ORC4: variants seen among roughly 807,000 people sequenced by gnomAD.
ORC4 encodes origin recognition complex subunit 4.
In ORC4, 55 loss-of-function variants were observed where a neutral mutation model predicts 63.9. The ratio of observed to expected loss-of-function variants is 0.86; its 90% confidence interval spans 0.69 to 1.08. The LOEUF (loss-of-function observed/expected upper bound fraction) is 1.08, where lower values mean the gene tolerates loss of function less well. Ranked by LOEUF, ORC4 falls within the 50% of genes least tolerant of loss-of-function variation. The probability of loss-of-function intolerance (pLI) is 0.00; values close to 1 mark genes in which losing one functional copy is unlikely to be tolerated. For synonymous variants in ORC4, 150 were observed against 168.5 expected (o/e 0.89, Z 0.85); for missense variants, 511 against 504.4 (o/e 1.01, Z -0.13).
At chr2:147,990,284 T>C (rs574734525) in intron 1 of ORC4, among the ~76,000 whole-genome samples, 88 of 152,300 alleles carry the variant, frequency 5.8e-4, no homozygotes, top group African/African-American at 1.9e-3. Flanking sequence ...TAGGAGAAAT[T>C]TGAAGGTGGT....
chr2:147,937,896 T>A (rs1318438153), intron 13 of ORC4: 1 of 544,592 alleles, frequency 1.8e-6, no homozygotes, highest in Non-Finnish European at 3.3e-6. Flanking sequence ...CACACTATAC[T>A]GAATAGTTGT....
rs1558835665 is a variant in ORC4 at position 147,949,221 on chromosome 2, A to G, written c.589-997T>C. On this transcript the variant is annotated intron_variant, in intron 8 of 13. Coordinates refer to ENST00000392857, the MANE Select transcript of ORC4 (RefSeq NM_181741.4). Reference sequence around the variant, plus strand: ...AACCCAAATGTCCATCAACTGATGAATGGATAAACAAAGTGTGGTATATCT... The same window carrying G: ...AACCCAAATGTCCATCAACTGATGAGTGGATAAACAAAGTGTGGTATATCT... Among the ~76,000 whole-genome samples, 5 of 152,006 alleles carry G rather than the reference A, an allele frequency of 3.3e-5. No individual in the cohort carries two copies. The South Asian group carries it at 8.3e-4, about 25-fold the overall frequency.
intron 1 of ORC4, among the ~76,000 whole-genome samples, chr2:147,991,548 G>T (rs1020403593): frequency 1.3e-5 from 2 of 152,032 alleles, no homozygotes; most frequent in African/African-American, 4.8e-5. Context: ...ACTACAGTTG[G>T]CCGGGCATGG....
intron 9 of ORC4, among the ~76,000 whole-genome samples, chr2:147,946,474 G>A (rs1688664123): frequency 6.6e-6 from 1 of 151,984 alleles, no homozygotes; most frequent in South Asian, 2.1e-4. Context: ...CCAGAGGTCT[G>A]GTTCACACCA....
intron 4 of ORC4, among the ~76,000 whole-genome samples, chr2:147,969,975 C>CA (rs933070026): frequency 2.6e-5 from 4 of 151,536 alleles, no homozygotes; most frequent in Admixed American, 6.6e-5. Flanking sequence ...AAAGAACTGA[C>CA]AAAAAAACTA....
At chr2:147,970,149 C>T (rs1053618794) in intron 4 of ORC4, among the ~76,000 whole-genome samples, 5 of 151,972 alleles carry the variant, frequency 3.3e-5, no homozygotes, top group Admixed American at 6.6e-5. Flanking sequence ...ATAAATCTAA[C>T]GAAACATGTG....
At chr2:147,939,620 C>T (rs1688252173) in intron 10 of ORC4, among the ~76,000 whole-genome samples, 1 of 152,126 alleles carries the variant, frequency 6.6e-6, no homozygotes, top group Non-Finnish European at 1.5e-5. Flanking sequence ...CTACGCCTTA[C>T]TTGTTAACTT....
At position 147,953,857 on chromosome 2, in the gene ORC4, A is replaced by G. The variant is rs576271837; in HGVS notation, c.437-1333T>C. Among the ~76,000 whole-genome samples the G allele has an allele frequency of 2.0e-4, 30 of 152,282 alleles. No homozygotes were observed. In the East Asian group the frequency reaches 4.2e-3, roughly 22 times the overall value. On this transcript the variant is annotated intron_variant, in intron 7 of 13. Transcript: ENST00000392857. ...TATTTCAACAAATAACAAATACAGT[A>G]GCCTAAATGACTTAATACTGGTACA...
At position 147,943,521 on chromosome 2, in the gene ORC4, T is replaced by G. The variant is rs754717858; in HGVS notation, c.764A>C (p.Tyr255Ser). 1.4e-6 allele frequency: 2 copies of G among 1,471,628 alleles called. No homozygotes were observed. Among genetic ancestry groups the G allele is most frequent in the Non-Finnish European group, 1.8e-6 (2 of 1,081,488 alleles). 91.2% of individuals were successfully genotyped at this position (1,471,628 alleles called of 1,614,324 possible). A position where few individuals can be genotyped will look rare whatever the true frequency, so the allele number is the denominator to read the frequency against. The change falls in exon 10 of 14, where the codon TAT becomes TCT. Residue 255 changes from tyrosine to serine, a missense_variant and splice_region_variant. By Grantham distance (144) the Tyr-to-Ser change is moderately radical (BLOSUM62 -2). Transcript: ENST00000392857. The part of the protein sequence containing the change: ...FAEKWNENVQ[Y>S]LSEDRSVQEV... ...TTGCACACTTCTATCTTCTGAGAGA[T>G]ACTAAAAGGAAAAAAAAAAAAAAAG...
At chr2:147,938,017 TTTC>T (rs956265541) in intron 13 of ORC4, 126 bp downstream of exon 13, 4 of 718,760 alleles carry the variant, frequency 5.6e-6, no homozygotes, top group African/African-American at 3.6e-5. Flanking sequence ...TTTAGATAAT[TTTC>T]TTGTTTTGAA....
chr2:148,008,191 G>A (rs1398937380), intron 1 of ORC4, among the ~76,000 whole-genome samples: 1 of 152,174 alleles, frequency 6.6e-6, no homozygotes, highest in Non-Finnish European at 1.5e-5. Flanking sequence ...ACATTAACAA[G>A]CAACAAGAAA....
At chr2:147,967,441 G>A (rs1429850662) in intron 4 of ORC4, among the ~76,000 whole-genome samples, 1 of 151,712 alleles carries the variant, frequency 6.6e-6, no homozygotes. Context: ...TTTCAGTAAA[G>A]TTGAAGGCTA....
intron 4 of ORC4, among the ~76,000 whole-genome samples, chr2:147,971,867 A>G (rs1172232226): frequency 1.3e-5 from 2 of 152,080 alleles, no homozygotes; most frequent in Non-Finnish European, 2.9e-5. Context: ...TAAATTCTCA[A>G]TTTATATTAA....
intron 4 of ORC4, among the ~76,000 whole-genome samples, chr2:147,967,644 TGAG>T (rs765609190): frequency 3.1e-4 from 47 of 151,714 alleles, no homozygotes; most frequent in Non-Finnish European, 4.4e-4. Context: ...AGAAAGAAAT[TGAG>T]GAGGATACAC....
intron 1 of ORC4, among the ~76,000 whole-genome samples, chr2:147,986,038 C>T (rs1341794291): frequency 6.6e-6 from 1 of 152,118 alleles, no homozygotes; most frequent in African/African-American, 2.4e-5. Context: ...AACAGATGTT[C>T]AATACCAACA....
rs186636773 is a variant in ORC4, at chr2:147,947,466, T to C, written c.762+585A>G. Among the ~76,000 whole-genome samples, 13 of 152,182 alleles carry C rather than the reference T, an allele frequency of 8.5e-5. No individual in the cohort carries two copies. In the East Asian group the frequency reaches 2.5e-3, roughly 29 times the overall value. On this transcript the variant is annotated intron_variant, in intron 9 of 13. Transcript: ENST00000392857. ...ATTTTAAGCACAGGTAAATTTATAG[T>C]CTCAAAGGTGTGGCAAATCTTTAAA...
chr2:148,010,209 T>A (rs977611918), intron 1 of ORC4, among the ~76,000 whole-genome samples: 3 of 152,026 alleles, frequency 2.0e-5, no homozygotes, highest in Non-Finnish European at 2.9e-5. Flanking sequence ...CTAAAGGGAA[T>A]GTTTATAGCA....
upstream of ORC4, chr2:148,021,383 CCCT>C: frequency 4.1e-6 from 2 of 486,422 alleles, no homozygotes; most frequent in South Asian, 1.6e-5. Flanking sequence ...CCTCCCTCCA[CCCT>C]CCTCCTCTTT....
intron 6 of ORC4, 126 bp from the exon 7 acceptor site, chr2:147,955,521 C>T: frequency 1.4e-6 from 1 of 692,146 alleles, no homozygotes; most frequent in South Asian, 1.7e-5. Context: ...ATTGCCCAGA[C>T]TCTGCTGAGT....
Sources: allele counts gnomAD v4.1 joint callset (sites outside exome capture counted in the v4.1 genomes callset), GRCh38; gene constraint gnomAD v4.1.1; transcripts MANE v1.5; gene names NCBI Gene and HGNC (gene_info 2026-07-23, HGNC 2026-07-21).